Variants in MMP20 observed in about 807,000 individuals in gnomAD.
The protein encoded by MMP20 is matrix metallopeptidase 20.
Under a neutral mutation model 51.8 loss-of-function variants are expected in MMP20, and 50 were observed. The observed-to-expected ratio is 0.97, with a 90% CI of 0.77 to 1.22. The LOEUF (loss-of-function observed/expected upper bound fraction) is 1.22. MMP20 is among the 50% of genes most tolerant of loss of function. The probability of loss-of-function intolerance (pLI) is 0.00; values close to 1 mark genes in which losing one functional copy is unlikely to be tolerated. For synonymous variants in MMP20, 244 were observed against 216.2 expected (o/e 1.13, Z -1.13); for missense variants, 663 against 601.4 (o/e 1.10, Z -1.07).
chr11:102,603,454 T>C (rs974906975), intron 6 of MMP20, among the ~76,000 whole-genome samples: 7 of 152,134 alleles, frequency 4.6e-5, no homozygotes, highest in Non-Finnish European at 1.0e-4. Context: ...CTAGTTTGGG[T>C]TTGAATTCCA....
intron 1 of MMP20, among the ~76,000 whole-genome samples, chr11:102,619,524 A>G (rs1283790534): frequency 1.3e-5 from 2 of 152,130 alleles, no homozygotes; most frequent in Non-Finnish European, 2.9e-5. Flanking sequence ...GTGGGTTACC[A>G]AAAACTCCGT....
Position 102,621,721 on chromosome 11 carries a change from T to C in MMP20, c.126+3473A>G, listed in dbSNP as rs976009445. On this transcript the variant is annotated intron_variant, in intron 1 of 9. Coordinates refer to ENST00000260228, the MANE Select transcript of MMP20 (RefSeq NM_004771.4). ...AAATGGTCAAATAAATTATAACTCA[T>C]ATTCTGGAATATTTCTGACTGTTTA... is the stretch of plus-strand genomic sequence containing the variant. 3.3e-5 allele frequency among the ~76,000 whole-genome samples: 5 copies of C among 152,360 alleles called. 1 individual carries two copies. The highest frequency in any genetic ancestry group is 6.8e-3 in the Middle Eastern group (2 of 294).
At chr11:102,623,745 C>T (rs1003476912) in intron 1 of MMP20, among the ~76,000 whole-genome samples, 2 of 152,164 alleles carry the variant, frequency 1.3e-5, no homozygotes, top group African/African-American at 4.8e-5. Flanking sequence ...TTTTCCTGAA[C>T]TGTGGATTAG....
intron 1 of MMP20, among the ~76,000 whole-genome samples, chr11:102,624,557 C>T (rs1859794845): frequency 6.6e-6 from 1 of 151,970 alleles, no homozygotes; most frequent in Non-Finnish European, 1.5e-5. Flanking sequence ...GAGGAAAATA[C>T]ACAAAGTTTA....
At chr11:102,616,713 G>A in intron 2 of MMP20, 99 bp downstream of exon 2, 1 of 1,506,556 alleles carries the variant, frequency 6.6e-7, no homozygotes, top group Non-Finnish European at 9.1e-7. Flanking sequence ...GAGGTGTCAG[G>A]ATTTTTATAC....
At chr11:102,611,034 T>C (rs940522902) in intron 3 of MMP20, among the ~76,000 whole-genome samples, 2 of 152,230 alleles carry the variant, frequency 1.3e-5, no homozygotes, top group Non-Finnish European at 2.9e-5. Flanking sequence ...GAATAGGACA[T>C]AACCTGGGCC....
At chr11:102,599,615 T>C (rs1005793885) in intron 6 of MMP20, among the ~76,000 whole-genome samples, 3 of 152,226 alleles carry the variant, frequency 2.0e-5, no homozygotes, top group Middle Eastern at 3.2e-3. Flanking sequence ...CTCCACAAAT[T>C]TATTAATAGA....
intron 6 of MMP20, among the ~76,000 whole-genome samples, chr11:102,595,578 T>G (rs752196016): frequency 3.9e-5 from 6 of 152,210 alleles, no homozygotes; most frequent in African/African-American, 7.2e-5. Flanking sequence ...CCTGTAAAAA[T>G]AGCGAAAACA....
intron 2 of MMP20, 55 bp downstream of exon 2, chr11:102,616,757 G>C (rs531411798): frequency 1.9e-6 from 3 of 1,605,052 alleles, no homozygotes; most frequent in African/African-American, 2.7e-5. Flanking sequence ...CAAGAAAAGG[G>C]AAAAAGAGAG....
intron 9 of MMP20, among the ~76,000 whole-genome samples, 195 bp from the exon 10 acceptor site, chr11:102,577,621 C>T (rs1433322002): frequency 4.6e-5 from 7 of 152,204 alleles, no homozygotes; most frequent in African/African-American, 1.7e-4. Context: ...TGAGCTTTCT[C>T]CTTGTTCCAG....
chr11:102,594,719 A>G lies in MMP20; in HGVS notation c.992T>C (p.Ile331Thr), dbSNP rs147526712. 6.8e-5 allele frequency: 109 copies of G among 1,611,230 alleles called. No homozygotes were observed. The highest frequency in any genetic ancestry group is 9.0e-5 in the Non-Finnish European group (106 of 1,179,344). ...GGAGCTGGTAATAGTGCTGGGCCGA[A>G]TTCCTGTCCGCAAGTGAACCTGCCG... ...WRRQVHLRTG[I>T]RPSTITSSFP... The change falls in exon 7 of 10, where the codon ATT becomes ACT. Residue 331 changes from isoleucine (I) to threonine (T), a missense_variant. Transcript: ENST00000260228.
chr11:102,580,424 T>TC (rs11439732), intron 8 of MMP20, among the ~76,000 whole-genome samples: 94,749 of 151,978 alleles, frequency 0.62, 30,155 homozygotes, highest in East Asian at 0.76. Flanking sequence ...TGGCAGCAGA[T>TC]CCACCCACCA....
rs778331495 is a variant in MMP20, at chr11:102,611,868, T to G, written c.410A>C (p.Glu137Ala). 1 of 1,614,042 alleles carries G rather than the reference T, an allele frequency of 6.2e-7. No individual in the cohort carries two copies. Among genetic ancestry groups the G allele is most frequent in the African/African-American group, 1.3e-5 (1 of 74,956 alleles). Residue 137 changes from glutamate to alanine, a missense_variant, in exon 3 of 10, where the codon GAG (glutamate) becomes GCG (alanine). By Grantham distance (107) the Glu-to-Ala change is moderately radical. Coordinates refer to ENST00000260228, the MANE Select transcript of MMP20 (RefSeq NM_004771.4). ...SKYTPSMSSV[E>A]VDKAVEMALQ... The stretch of plus-strand genomic sequence containing the variant: ...GGCCATCTCCACTGCTTTGTCCACC[T>G]CGACAGAACTCATGGAAGGTGTGTA...
At chr11:102,612,738 C>T (rs372176231) in intron 2 of MMP20, among the ~76,000 whole-genome samples, 20 of 127,158 alleles carry the variant, frequency 1.6e-4, no homozygotes, top group Middle Eastern at 3.9e-3. Flanking sequence ...TCTTTTCTTT[C>T]TTTTTTTTTT....
At chr11:102,619,054 G>T (rs1859712568) in intron 1 of MMP20, among the ~76,000 whole-genome samples, 1 of 152,146 alleles carries the variant, frequency 6.6e-6, no homozygotes, top group African/African-American at 2.4e-5. Flanking sequence ...CCTAGCCTAG[G>T]TGTTCTGAAA....
intron 6 of MMP20, among the ~76,000 whole-genome samples, chr11:102,605,028 A>G (rs2135939359): frequency 6.6e-6 from 1 of 152,340 alleles, no homozygotes; most frequent in South Asian, 2.1e-4. Context: ...ATGGGATGGT[A>G]TTACCTTCAA....
rs1859752746 is a variant in MMP20 at position 102,621,690 on chromosome 11, TA to T, written c.126+3503del. Among the ~76,000 whole-genome samples, 3 of 152,350 alleles carry T rather than the reference TA, an allele frequency of 2.0e-5. No individual in the cohort carries two copies. The East Asian group carries it at 5.8e-4, about 29-fold the overall frequency. On this transcript the variant is annotated intron_variant, in intron 1 of 9. Transcript: ENST00000260228. ...ATTCATATGGAAGTAATCTATTTGT[TA>T]AAGGAAATGGTCAAATAAATTATAA...
rs1469084435 is a variant in MMP20, at chr11:102,616,893, G to A, written c.293C>T (p.Pro98Leu). 2 of 1,614,186 alleles carry A rather than the reference G, an allele frequency of 1.2e-6. No homozygotes were observed. Among genetic ancestry groups the A allele is most frequent in the South Asian group, 2.2e-5 (2 of 91,084 alleles). ...GGCCACATCAGGAACTCCACAGCGA[G>A]GCTTCTTGATCACGTTCATTGTGGT... ...DQTTMNVIKKPRCGVPDVANY... is the reference protein window; with the variant it reads ...DQTTMNVIKKLRCGVPDVANY... Residue 98 changes from proline (P) to leucine (L), a missense_variant, in exon 2 of 10, where the codon CCT (proline) becomes CTT (leucine). Transcript: ENST00000260228.
chr11:102,623,113 G>C (rs1000962630), intron 1 of MMP20, among the ~76,000 whole-genome samples: 1 of 152,192 alleles, frequency 6.6e-6, no homozygotes, highest in Non-Finnish European at 1.5e-5. Flanking sequence ...ACAGAGAAGG[G>C]TTGATTTATT....
Sources: gnomAD v4.1 joint callset for allele counts (sites outside exome capture counted in the v4.1 genomes callset) on GRCh38, gnomAD v4.1.1 for gene constraint, MANE v1.5 for transcripts, NCBI Gene and HGNC (gene_info 2026-07-23, HGNC 2026-07-21) for gene names.